Variants in TBCK observed in about 807,000 individuals in gnomAD.
TBCK encodes the protein TBC domain-containing protein kinase-like protein.
A neutral mutation model predicts 113.4 loss-of-function variants in TBCK; 99 were observed. The ratio of observed to expected loss-of-function variants is 0.87; its 90% CI spans 0.74 to 1.03. The LOEUF is 1.03. Ranked by LOEUF, TBCK falls within the 50% of genes least tolerant of loss-of-function variation. The pLI is 0.00. For synonymous variants in TBCK, 369 were observed against 370.8 expected, an observed-to-expected ratio of 1.00 and a Z score of 0.05; for missense variants, 1,045 against 1,061.3, an observed-to-expected ratio of 0.98 and a Z score of 0.21.
chr4:106,125,217 C>T (rs1018113157), intron 23 of TBCK, among the ~76,000 whole-genome samples: 12 of 152,120 alleles, frequency 7.9e-5, no homozygotes, highest in Admixed American at 3.3e-4. Flanking sequence ...AGCAATCCCA[C>T]TGCTGGGTAT....
chr4:106,302,337 C>CAGTT lies in TBCK; in HGVS notation c.193+6427_193+6430dup, dbSNP rs765065192. Among the ~76,000 whole-genome samples the CAGTT allele has an allele frequency of 2.0e-5, 3 of 152,100 alleles. No homozygotes were observed. The East Asian group carries it at 5.8e-4, about 29-fold the overall frequency. On this transcript the variant is annotated intron_variant, in intron 2 of 25. Transcript: ENST00000394708. ...AGAACAACAATCAGTAGAACGATTA[C>CAGTT]AGTTTCTAAGCGGATCAGTTCCCAC...
chr4:106,086,502 T>C (rs750415844), intron 25 of TBCK, among the ~76,000 whole-genome samples: 1 of 152,202 alleles, frequency 6.6e-6, no homozygotes, highest in Non-Finnish European at 1.5e-5. Context: ...CTACCAGAAA[T>C]ACAAAGAGGA....
At chr4:106,214,929 T>G (rs957109651) in intron 19 of TBCK, among the ~76,000 whole-genome samples, 334 of 151,676 alleles carry the variant, frequency 2.2e-3, no homozygotes, top group Non-Finnish European at 3.4e-3. Context: ...TCACCAAAGT[T>G]GAAATGAAGG....
At chr4:106,100,065 G>A (rs141029302) in intron 24 of TBCK, among the ~76,000 whole-genome samples, 14 of 152,056 alleles carry the variant, frequency 9.2e-5, no homozygotes, top group Middle Eastern at 3.4e-3. Flanking sequence ...TCATTTTTGC[G>A]CATTCAAACA....
chr4:106,213,953 G>C (rs1460692053), intron 19 of TBCK, among the ~76,000 whole-genome samples: 3 of 152,226 alleles, frequency 2.0e-5, no homozygotes, highest in Non-Finnish European at 4.4e-5. Flanking sequence ...AACCTCTGCA[G>C]ACTTAAATGT....
At chr4:106,049,912 C>A (rs1245724815) in intron 25 of TBCK, among the ~76,000 whole-genome samples, 1 of 151,948 alleles carries the variant, frequency 6.6e-6, no homozygotes, top group Admixed American at 6.6e-5. Flanking sequence ...CCAGGTGATT[C>A]TAATGTGTAA....
At position 106,171,194 on chromosome 4, in the gene TBCK, C is replaced by G; in HGVS notation, c.2136G>C (p.Gln712His). 4 of 1,612,636 alleles carry G rather than the reference C, an allele frequency of 2.5e-6. No homozygotes were observed. Among genetic ancestry groups the G allele is most frequent in the Non-Finnish European group, 3.4e-6 (4 of 1,179,278 alleles). ...CWTPKSATYR[Q>H]HAQPPKPSSD... is the part of the protein sequence containing the mutation. ...AAGATGGCTTTGGAGGTTGAGCATG[C>G]TGTCTGTAAGTAGCACTTTTAGGAG... is the stretch of plus-strand genomic sequence containing the variant. The change falls in exon 23 of 26, where the codon CAG becomes CAC. Residue 712 changes from glutamine (Q) to histidine (H), a missense_variant. Transcript: ENST00000394708.
At chr4:106,129,181 G>A (rs1008228034) in intron 23 of TBCK, among the ~76,000 whole-genome samples, 3 of 152,108 alleles carry the variant, frequency 2.0e-5, no homozygotes, top group Non-Finnish European at 2.9e-5. Flanking sequence ...TGTGCAGGAC[G>A]TGCAGGTTTG....
intron 6 of TBCK, among the ~76,000 whole-genome samples, chr4:106,251,451 G>C (rs1238710121): frequency 6.6e-6 from 1 of 151,410 alleles, no homozygotes; most frequent in African/African-American, 2.4e-5. Context: ...CAGAACTACA[G>C]GTAGAGTTCA....
intron 19 of TBCK, among the ~76,000 whole-genome samples, chr4:106,215,684 C>T (rs1756802355): frequency 6.6e-6 from 1 of 152,054 alleles, no homozygotes; most frequent in Non-Finnish European, 1.5e-5. Flanking sequence ...AATATATATG[C>T]ACTCAATACA....
At chr4:106,226,038 C>T (rs750205274) in intron 19 of TBCK, among the ~76,000 whole-genome samples, 2 of 151,924 alleles carry the variant, frequency 1.3e-5, no homozygotes, top group Non-Finnish European at 1.5e-5. Flanking sequence ...GTGATGCATG[C>T]CTGTAGTCTC....
chr4:106,199,143 T>A (rs1027298107), intron 20 of TBCK, among the ~76,000 whole-genome samples: 6 of 152,136 alleles, frequency 3.9e-5, no homozygotes, highest in Non-Finnish European at 5.9e-5. Flanking sequence ...TCTAATCAAG[T>A]TCTTGCCTCC....
intron 3 of TBCK, 72 bp from the exon 4 acceptor site, chr4:106,262,284 G>T (rs1199204051): frequency 2.6e-6 from 2 of 765,122 alleles, no homozygotes; most frequent in South Asian, 1.9e-5. Context: ...AGTGAAATGT[G>T]ACCTAGTGAA....
chr4:106,078,561 T>C (rs34909190), intron 25 of TBCK, among the ~76,000 whole-genome samples: 5,603 of 152,132 alleles, frequency 0.037, 415 homozygotes, highest in East Asian at 0.29. Context: ...TGGAAACACA[T>C]AGCCTTCTAA....
At chr4:106,166,483 T>A (rs1750383500) in intron 23 of TBCK, among the ~76,000 whole-genome samples, 1 of 151,732 alleles carries the variant, frequency 6.6e-6, no homozygotes, top group Non-Finnish European at 1.5e-5. Context: ...CAACTTTTAT[T>A]TTAGATTTAG....
chr4:106,185,256 TA>T (rs1368272610), intron 22 of TBCK, among the ~76,000 whole-genome samples: 6 of 152,198 alleles, frequency 3.9e-5, no homozygotes, highest in African/African-American at 1.4e-4. Context: ...ATTATTTCTA[TA>T]AATACTCTGG....
chr4:106,175,132 CAAA>C (rs754840841), intron 22 of TBCK, among the ~76,000 whole-genome samples: 5 of 90,746 alleles, frequency 5.5e-5, no homozygotes, highest in Non-Finnish European at 4.6e-5. Context: ...AAGACTCTCT[CAAA>C]AAAAAAAAAA....
intron 1 of TBCK, among the ~76,000 whole-genome samples, chr4:106,314,129 G>C (rs1768496274): frequency 6.6e-6 from 1 of 152,076 alleles, no homozygotes; most frequent in South Asian, 2.1e-4. Context: ...AAATGTTATA[G>C]TTAAGAAATA....
chr4:106,063,365 G>A (rs1191618825), intron 25 of TBCK, among the ~76,000 whole-genome samples: 1 of 151,842 alleles, frequency 6.6e-6, no homozygotes, highest in East Asian at 1.9e-4. Flanking sequence ...TTTTAGAACA[G>A]GTAAAAAGAC....
Sources: allele counts gnomAD v4.1 joint callset (sites outside exome capture counted in the v4.1 genomes callset), GRCh38; gene constraint gnomAD v4.1.1; transcripts MANE v1.5; gene names NCBI Gene and HGNC (gene_info 2026-07-23, HGNC 2026-07-21).